The following MORN1 variants were observed in gnomAD, a reference collection of about 807,000 sequenced individuals.
MORN1 encodes MORN repeat-containing protein 1.
In MORN1, 67 loss-of-function variants were observed where a neutral mutation model predicts 61.9. The ratio of observed to expected loss-of-function variants is 1.08; its 90% CI spans 0.89 to 1.33. MORN1 has a LOEUF of 1.33. Ranked by LOEUF, MORN1 falls within the 40% of genes most tolerant of loss-of-function variation. The pLI is 0.00. For missense variants in MORN1, 752 were observed against 691.2 expected (o/e 1.09, Z -0.99); for synonymous variants, 301 against 292.0 (o/e 1.03, Z -0.31).
chr1:2,324,194 G>A (rs3737639), intron 12 of MORN1, 51 bp from the exon 13 acceptor site: 106,201 of 1,543,794 alleles, frequency 0.069, 8,008 homozygotes, highest in African/African-American at 0.34. Flanking sequence ...GGGCCCCGAC[G>A]ACATGGCATC....
intron 12 of MORN1, among the ~76,000 whole-genome samples, chr1:2,325,129 TCCTTCCCTCCCTCCCTC>T (rs1640983179): frequency 1.8e-5 from 1 of 55,178 alleles, no homozygotes; most frequent in Non-Finnish European, 3.1e-5. Context: ...TTCCCTTCCT[TCCTTCCCTCCCTCCCTC>T]CCTTCCTTCC....
chr1:2,381,655 T>G (rs1642374012), intron 6 of MORN1, among the ~76,000 whole-genome samples: 1 of 152,160 alleles, frequency 6.6e-6, no homozygotes, highest in Non-Finnish European at 1.5e-5. Context: ...ACCAAGACTC[T>G]CGCAGAAATC....
At chr1:2,390,091 C>T (rs1013923986) in intron 1 of MORN1, 95 bp from the exon 2 acceptor site, 10 of 1,183,110 alleles carry the variant, frequency 8.5e-6, no homozygotes, top group Non-Finnish European at 1.3e-5. Flanking sequence ...CCTTGAGGGC[C>T]TTCAAGGGGT....
At chr1:2,359,785 A>T (rs762284027) in intron 8 of MORN1, among the ~76,000 whole-genome samples, 1 of 151,872 alleles carries the variant, frequency 6.6e-6, no homozygotes, top group Non-Finnish European at 1.5e-5. Flanking sequence ...TTGGAGGTTG[A>T]GGCAGGAGAA....
intron 12 of MORN1, among the ~76,000 whole-genome samples, chr1:2,330,099 C>A (rs903639770): frequency 6.6e-6 from 1 of 152,218 alleles, no homozygotes; most frequent in African/African-American, 2.4e-5. Flanking sequence ...TTAATCTGCA[C>A]CCCTCGGCTG....
chr1:2,342,181 C>T (rs113153606), intron 10 of MORN1, among the ~76,000 whole-genome samples: 1,569 of 152,368 alleles, frequency 0.01, 7 homozygotes, highest in Non-Finnish European at 0.017. Flanking sequence ...GGGACGGGAT[C>T]GGGCAGCTTG....
chr1:2,358,830 C>G, intron 8 of MORN1, 115 bp from the exon 9 acceptor site: 1 of 1,317,756 alleles, frequency 7.6e-7, no homozygotes, highest in Non-Finnish European at 1.0e-6. Context: ...GCCACATTTG[C>G]CAGTGGCTGT....
intron 1 of MORN1, 101 bp downstream of exon 1, chr1:2,391,357 C>G: frequency 8.2e-7 from 1 of 1,217,390 alleles, no homozygotes; most frequent in Non-Finnish European, 1.0e-6. Flanking sequence ...TGGACCTCTA[C>G]TTTCCGAGGT....
intron 8 of MORN1, among the ~76,000 whole-genome samples, chr1:2,361,373 A>G (rs544492345): frequency 1.2e-4 from 19 of 152,208 alleles, no homozygotes; most frequent in African/African-American, 4.3e-4. Context: ...CCTGGCCAAC[A>G]TGTCAAAACC....
rs575268408 is a variant in MORN1, at chr1:2,356,989, G to A, written c.1036+443C>T. The stretch of plus-strand genomic sequence containing the variant: ...AACGTGAGGCAACCCGTGCAGAAGC[G>A]GAGCAGCGGGAAACCCTGACCTCGA... On this transcript the variant is annotated intron_variant, in intron 10 of 13. Coordinates refer to ENST00000378531, the MANE Select transcript of MORN1 (RefSeq NM_024848.3). Among the ~76,000 whole-genome samples, 11 of 152,276 alleles carry A rather than the reference G, an allele frequency of 7.2e-5. No homozygotes were observed. In the South Asian group the frequency reaches 1.2e-3, roughly 17 times the overall value.
At chr1:2,387,989 A>G (rs903903) in intron 3 of MORN1, 221,115 of 487,958 alleles carry the variant, frequency 0.45, 54,812 homozygotes, top group East Asian at 0.71. Context: ...AGCTTTAAAT[A>G]AAAAAGAAAT....
intron 8 of MORN1, among the ~76,000 whole-genome samples, chr1:2,367,719 TG>T (rs1227226255): frequency 9.2e-5 from 14 of 151,880 alleles, no homozygotes; most frequent in African/African-American, 3.4e-4. Flanking sequence ...CTCTGCCTCC[TG>T]GGTTCAAGCA....
At position 2,372,786 on chromosome 1, in the gene MORN1, C is replaced by T. The variant is rs910909743; in HGVS notation, c.635-195G>A. Among the ~76,000 whole-genome samples the T allele has an allele frequency of 2.0e-5, 3 of 152,234 alleles. No homozygotes were observed. Among genetic ancestry groups the T allele is most frequent in the African/African-American group, 2.4e-5 (1 of 41,456 alleles). On this transcript the variant is annotated intron_variant, in intron 7 of 13. Coordinates refer to ENST00000378531, the MANE Select transcript of MORN1 (RefSeq NM_024848.3). This position sits in a 1 kb window ranked among gnomAD's most constrained non-coding sequence, Gnocchi z 5.4. ...CCTGGGCAGTCGTCCACACTCAGAC[C>T]GTGAGGCTCGGCTCTGCTGGCCTGG...
intron 10 of MORN1, among the ~76,000 whole-genome samples, chr1:2,339,935 C>A (rs1641358128): frequency 6.6e-6 from 1 of 152,272 alleles, no homozygotes; most frequent in Non-Finnish European, 1.5e-5. Flanking sequence ...CCCTCGGCCG[C>A]TCCTGCTCAG....
At chr1:2,346,028 C>T (rs1641509080) in intron 10 of MORN1, among the ~76,000 whole-genome samples, 1 of 151,988 alleles carries the variant, frequency 6.6e-6, no homozygotes, top group Non-Finnish European at 1.5e-5. Flanking sequence ...AGGAACCTTC[C>T]TCAGACAAAG....
At position 2,343,244 on chromosome 1, in the gene MORN1, C is replaced by T. The variant is rs572744573; in HGVS notation, c.1037-6394G>A. 4.6e-5 allele frequency among the ~76,000 whole-genome samples: 7 copies of T among 152,332 alleles called. No individual in the cohort carries two copies. In the South Asian group the frequency reaches 1.4e-3, roughly 32 times the overall value. ...GACCTGCCTCTGGGACCTGCGGGCA[C>T]CTCTGCTGGTAAAGCTGCCAAGACA... is the stretch of plus-strand genomic sequence containing the variant. On this transcript the variant is annotated intron_variant, in intron 10 of 13. Coordinates refer to ENST00000378531, the MANE Select transcript of MORN1 (RefSeq NM_024848.3).
At chr1:2,380,647 C>G (rs976354110) in intron 6 of MORN1, among the ~76,000 whole-genome samples, 1 of 152,050 alleles carries the variant, frequency 6.6e-6, no homozygotes. Flanking sequence ...CAGGTTCAAG[C>G]GATCCTCCCT....
chr1:2,358,128 A>C (rs1336131430), intron 9 of MORN1, among the ~76,000 whole-genome samples: 4 of 152,118 alleles, frequency 2.6e-5, no homozygotes, highest in Non-Finnish European at 5.9e-5. Flanking sequence ...GTTTGTGCAC[A>C]CACTGGCCTG....
chr1:2,322,138 C>A (rs1269372574), intron 13 of MORN1: 2 of 985,226 alleles, frequency 2.0e-6, no homozygotes, highest in African/African-American at 1.7e-5. Context: ...TGGGGGCACT[C>A]GGCAGAGAAG....
Sources: allele counts gnomAD v4.1 joint callset (sites outside exome capture counted in the v4.1 genomes callset), GRCh38; gene constraint gnomAD v4.1.1; non-coding constraint Gnocchi (gnomAD v3.1); transcripts MANE v1.5; gene names NCBI Gene and HGNC (gene_info 2026-07-23, HGNC 2026-07-21).